PKHD1L1: variants seen among roughly 807,000 people sequenced by gnomAD.
PKHD1L1 encodes the protein fibrocystin-L.
Under a neutral mutation model 462.9 loss-of-function variants are expected in PKHD1L1, and 434 were observed. The ratio of observed to expected loss-of-function variants is 0.94; its 90% CI spans 0.87 to 1.02. The LOEUF is 1.02. Among genes scored for constraint, PKHD1L1 ranks in the 50% least tolerant of loss-of-function variants. The pLI, the probability that PKHD1L1 is intolerant of heterozygous loss-of-function variation, is 0.00. For synonymous variants in PKHD1L1, 1,781 were observed against 1,750.0 expected (o/e 1.02, Z -0.44); for missense variants, 5,202 against 5,096.1 (o/e 1.02, Z -0.63).
intron 2 of PKHD1L1, among the ~76,000 whole-genome samples, chr8:109,380,715 T>A (rs930030221): frequency 2.0e-4 from 31 of 152,340 alleles, no homozygotes; most frequent in Admixed American, 6.5e-4. Context: ...CCAGTTGTCC[T>A]CAGTGGTACC....
chr8:109,400,159 C>A lies in PKHD1L1; in HGVS notation c.1096C>A (p.Pro366Thr), dbSNP rs777136100. 28 of 1,613,506 alleles carry A rather than the reference C, an allele frequency of 1.7e-5. No homozygotes were observed. Among genetic ancestry groups the A allele is most frequent in the Admixed American group, 1.2e-4 (7 of 59,950 alleles). Residue 366 changes from proline to threonine, a missense_variant, in exon 13 of 78, where the codon CCT becomes ACT. This residue lies in a region of PKHD1L1 where 4,497 missense variants were observed against 4,336.8 expected (regional missense o/e 1.04). Transcript: ENST00000378402. ...GATACTGGAATACAATGAAAAAACG[C>A]CTGGGTACATGGGTGCCAGTTGGGT... ...EEILEYNEKT[P>T]GYMGASWVDS...
chr8:109,461,597 G>T (rs988604061), intron 47 of PKHD1L1, among the ~76,000 whole-genome samples, 175 bp from the exon 48 acceptor site: 1 of 152,012 alleles, frequency 6.6e-6, no homozygotes, highest in Admixed American at 6.6e-5. Flanking sequence ...AACAAGACAA[G>T]GTACTTACCT....
chr8:109,441,633 C>T (rs2130741514), intron 34 of PKHD1L1, among the ~76,000 whole-genome samples: 1 of 152,170 alleles, frequency 6.6e-6, no homozygotes, highest in Admixed American at 6.5e-5. Flanking sequence ...TACAGAAACT[C>T]CCAGATTGTT....
intron 2 of PKHD1L1, among the ~76,000 whole-genome samples, chr8:109,371,213 G>A (rs569877831): frequency 3.9e-3 from 590 of 152,302 alleles, no homozygotes; most frequent in Non-Finnish European, 6.4e-3. Flanking sequence ...GTGTGAGACG[G>A]TATCTCATTG....
chr8:109,511,243 T>C (rs1366956318), intron 71 of PKHD1L1, among the ~76,000 whole-genome samples: 1 of 152,150 alleles, frequency 6.6e-6, no homozygotes, highest in African/African-American at 2.4e-5. Flanking sequence ...GTGCACAATG[T>C]GTAGGCCAGT....
At chr8:109,376,502 C>T (rs1029589360) in intron 2 of PKHD1L1, among the ~76,000 whole-genome samples, 9 of 152,176 alleles carry the variant, frequency 5.9e-5, no homozygotes, top group African/African-American at 2.2e-4. Flanking sequence ...GCTGCACCCA[C>T]TGTCCTGCAC....
chr8:109,469,493 C>G (rs1172186482), intron 50 of PKHD1L1, among the ~76,000 whole-genome samples: 1 of 152,058 alleles, frequency 6.6e-6, no homozygotes, highest in African/African-American at 2.4e-5. Context: ...TACTGTGTTT[C>G]TTACTGTCTA....
At chr8:109,427,214 C>T (rs1814804197) in intron 25 of PKHD1L1, 58 bp downstream of exon 25, 1 of 1,306,400 alleles carries the variant, frequency 7.7e-7, no homozygotes, top group East Asian at 2.4e-5. Context: ...TTATTTGGAC[C>T]CTGCCTTATT....
chr8:109,421,609 C>T (rs1182436932), intron 23 of PKHD1L1, among the ~76,000 whole-genome samples: 1 of 151,660 alleles, frequency 6.6e-6, no homozygotes, highest in African/African-American at 2.4e-5. Flanking sequence ...GGTGAAACCC[C>T]ATCTCCACTA....
In PKHD1L1 at chr8:109,459,587, T is replaced by G; in HGVS notation, c.7005-8T>G. 2 of 1,491,954 alleles carry G rather than the reference T, an allele frequency of 1.3e-6. No individual in the cohort carries two copies. The highest frequency in any genetic ancestry group is 1.8e-6 in the Non-Finnish European group (2 of 1,120,236). 92.4% of individuals were successfully genotyped at this position (1,491,954 alleles called of 1,614,324 possible). A position where few individuals can be genotyped will look rare whatever the true frequency, so the allele number is the denominator to read the frequency against. ...AATTTTAAAATTTTTTTGTCAAAAT[T>G]TTTACAGACACAGTCAAGGAGAGAA... On this transcript the variant is annotated splice_polypyrimidine_tract_variant and splice_region_variant and intron_variant, in intron 46 of 77. Transcript: ENST00000378402.
intron 73 of PKHD1L1, among the ~76,000 whole-genome samples, chr8:109,521,050 G>C (rs975381464): frequency 6.6e-6 from 1 of 152,128 alleles, no homozygotes; most frequent in Non-Finnish European, 1.5e-5. Context: ...TTTCTGGAGG[G>C]AGTATGAGGA....
rs942338861 is a variant in PKHD1L1 at position 109,531,815 on chromosome 8, C to T, written c.*1725C>T. Among the ~76,000 whole-genome samples, 1 of 152,080 alleles carries T rather than the reference C, an allele frequency of 6.6e-6. No individual in the cohort carries two copies. The highest frequency in any genetic ancestry group is 6.5e-5 in the Admixed American group (1 of 15,274). On this transcript the variant is annotated 3_prime_UTR_variant, in exon 78 of 78. Transcript: ENST00000378402. ...GGTAACAGAGCACTTTTATACTCCC[C>T]TCAGTTCCAACCCTGGTGGGGTGAA...
At chr8:109,396,285 T>C (rs1812971318) in intron 11 of PKHD1L1, 148 bp downstream of exon 11, 1 of 650,378 alleles carries the variant, frequency 1.5e-6, no homozygotes, top group Non-Finnish European at 2.6e-6. Context: ...GTTCTGGGAT[T>C]TGATGCTCTT....
intron 22 of PKHD1L1, among the ~76,000 whole-genome samples, chr8:109,420,133 C>G (rs1255640698): frequency 1.3e-5 from 2 of 152,062 alleles, no homozygotes; most frequent in Non-Finnish European, 2.9e-5. Flanking sequence ...TTTGTCCTGC[C>G]CTCATGAAGC....
chr8:109,484,686 CA>C (rs528828381), intron 57 of PKHD1L1, among the ~76,000 whole-genome samples: 2 of 151,666 alleles, frequency 1.3e-5, no homozygotes, highest in Non-Finnish European at 2.9e-5. Flanking sequence ...AACAAACAAA[CA>C]AAAAACTAGG....
chr8:109,532,857 C>T lies in PKHD1L1; in HGVS notation c.*2767C>T, dbSNP rs1198704127. On this transcript the variant is annotated 3_prime_UTR_variant, in exon 78 of 78. Coordinates refer to ENST00000378402, the MANE Select transcript of PKHD1L1 (RefSeq NM_177531.6). The stretch of plus-strand genomic sequence containing the variant: ...AGTGCTATTTAAAATATCCCTAGCA[C>T]TAATAATAACAATAATCAATAATAA... Among the ~76,000 whole-genome samples, 6 of 152,278 alleles carry T rather than the reference C, an allele frequency of 3.9e-5. No individual in the cohort carries two copies. The East Asian group carries it at 1.2e-3, about 29-fold the overall frequency.
At chr8:109,438,116 A>G (rs558559868) in intron 30 of PKHD1L1, among the ~76,000 whole-genome samples, 1 of 152,288 alleles carries the variant, frequency 6.6e-6, no homozygotes, top group African/African-American at 2.4e-5. Flanking sequence ...CCATAAAACT[A>G]CTATGTCATG....
chr8:109,495,148 C>A (rs1819024536), intron 63 of PKHD1L1, among the ~76,000 whole-genome samples: 1 of 151,924 alleles, frequency 6.6e-6, no homozygotes, highest in African/African-American at 2.4e-5. Context: ...TATTCTTGTG[C>A]AAAATACATT....
Position 109,443,694 on chromosome 8 carries a change from A to C in PKHD1L1, c.4583A>C (p.His1528Pro). ...TCTAAAGGAGGACCTGAGAATTTGC[A>C]CTTGGGAAGCTCTGTGGCAGGCTGC... ...TYAYGGPENL[H>P]LGSSVAGCLA... Residue 1528 changes from histidine (H) to proline (P), a missense_variant, in exon 37 of 78, where the codon CAC (histidine) becomes CCC (proline). Transcript: ENST00000378402. The C allele has an allele frequency of 6.2e-7, 1 of 1,612,300 alleles. No individual in the cohort carries two copies. Among genetic ancestry groups the C allele is most frequent in the South Asian group, 1.1e-5 (1 of 90,770 alleles).
Sources: gnomAD v4.1 joint callset for allele counts (sites outside exome capture counted in the v4.1 genomes callset) on GRCh38, gnomAD v4.1.1 for gene constraint, gnomAD v4.1.1 regional missense constraint, MANE v1.5 for transcripts, NCBI Gene and HGNC (gene_info 2026-07-23, HGNC 2026-07-21) for gene names.